The following NUP37 variants were observed in gnomAD, a reference collection of about 807,000 sequenced individuals.
NUP37 encodes the protein nucleoporin 37, also known as nucleoporin Nup37.
NUP37 carries 33 observed loss-of-function variants against 45.4 expected under a neutral mutation model. The observed-to-expected ratio is 0.73, with a 90% confidence interval of 0.55 to 0.97. NUP37 has a LOEUF of 0.97. NUP37 is among the 50% of genes least tolerant of loss of function. The pLI is 0.00. For synonymous variants in NUP37, 127 were observed against 130.7 expected (o/e 0.97, Z 0.19); for missense variants, 365 against 389.7 (o/e 0.94, Z 0.53).
rs1225181622 is a variant in NUP37 at position 102,073,488 on chromosome 12, T to C, written c.*866A>G. 6.6e-6 allele frequency: 1 copy of C among 152,208 alleles called. No homozygotes were observed. The highest frequency in any genetic ancestry group is 2.4e-5 in the African/African-American group (1 of 41,452). The allele number at this position is 152,208 out of a possible 1,614,324, so 9.4% of individuals were successfully genotyped here. On this transcript the variant is annotated 3_prime_UTR_variant, in exon 10 of 10. Coordinates refer to ENST00000552283, the MANE Select transcript of NUP37 (RefSeq NM_024057.4). ...TAGAAGTCATTTTTCAAGGTAACTT[T>C]TGATCCCATATATCAGATGTTCTAA...
At chr12:102,095,644 C>T (rs1879782268) in intron 5 of NUP37, among the ~76,000 whole-genome samples, 1 of 152,084 alleles carries the variant, frequency 6.6e-6, no homozygotes, top group African/African-American at 2.4e-5. Context: ...CATATTTCTT[C>T]ATCAAGATAT....
rs766912334 is a variant in NUP37 at position 102,118,314 on chromosome 12, T to C, written c.156+49A>G. On this transcript the variant is annotated intron_variant, in intron 2 of 9. Coordinates refer to ENST00000552283, the MANE Select transcript of NUP37 (RefSeq NM_024057.4). ...TAGATTTGGTTTGTGTAAGTTCTCT[T>C]AGTAGTGAAATATGTTCACTGTCAT... 8 of 1,532,872 alleles carry C rather than the reference T, an allele frequency of 5.2e-6. No homozygotes were observed. In the Admixed American group the frequency reaches 6.2e-5, roughly 12 times the overall value. The allele number at this position is 1,532,872 out of a possible 1,614,324, so 95.0% of individuals were successfully genotyped here.
At position 102,077,295 on chromosome 12, in the gene NUP37, TAATAGACA is replaced by T. The variant is rs1384505307; in HGVS notation, c.722+19_722+26del. The T allele has an allele frequency of 6.2e-7, 1 of 1,611,382 alleles. No individual in the cohort carries two copies. Among genetic ancestry groups the T allele is most frequent in the Admixed American group, 1.7e-5 (1 of 60,026 alleles). On this transcript the variant is annotated intron_variant, in intron 7 of 9. Transcript: ENST00000552283. ...ACAGTTACTGCCTTTTTTTGGTGTGTAATAGACAAACATATCAAGAAAGTACCTGGACC... is the reference window on the plus strand; with the variant it reads ...ACAGTTACTGCCTTTTTTTGGTGTGTAACATATCAAGAAAGTACCTGGACC...
In NUP37 at chr12:102,083,020, T is replaced by C. The variant is rs746087561; in HGVS notation, c.540+2746A>G. Among the ~76,000 whole-genome samples, 17 of 152,016 alleles carry C rather than the reference T, an allele frequency of 1.1e-4. 1 individual carries two copies. The highest frequency in any genetic ancestry group is 1.9e-4 in the Non-Finnish European group (13 of 67,992). ...ACATTCTGAAGTCATGGAAACATCA[T>C]AAAAGAAAGGAGATGGGGTAAGGTG... On this transcript the variant is annotated intron_variant, in intron 6 of 9. Coordinates refer to ENST00000552283, the MANE Select transcript of NUP37 (RefSeq NM_024057.4).
chr12:102,080,565 T>C (rs915749990), intron 6 of NUP37, among the ~76,000 whole-genome samples: 4 of 152,234 alleles, frequency 2.6e-5, no homozygotes, highest in Non-Finnish European at 2.9e-5. Context: ...GAGCTTTACA[T>C]GTCTGCTTTA....
rs1366156369 is a variant in NUP37, at chr12:102,088,252, C to A, written c.450-2396G>T. 2.0e-5 allele frequency among the ~76,000 whole-genome samples: 3 copies of A among 152,084 alleles called. No individual in the cohort carries two copies. The East Asian group carries it at 5.8e-4, about 29-fold the overall frequency. On this transcript the variant is annotated intron_variant, in intron 5 of 9. Coordinates refer to ENST00000552283, the MANE Select transcript of NUP37 (RefSeq NM_024057.4). ...TCCTTAATTAAGCCCTTCTCAAATC[C>A]TTTTATGGAGCTCAGCTCATTTTTC...
rs1466053555 is a variant in NUP37 at position 102,112,329 on chromosome 12, T to C, written c.157-97A>G. ...TGAATTTATCAGGAGGTTATGCTTA[T>C]GCTTTTGAAAAGTTCAAAAGCAAAT... On this transcript the variant is annotated intron_variant, in intron 2 of 9. Coordinates refer to ENST00000552283, the MANE Select transcript of NUP37 (RefSeq NM_024057.4). The C allele has an allele frequency of 3.8e-6, 4 of 1,039,218 alleles. No individual in the cohort carries two copies. The African/African-American group carries it at 4.9e-5, about 13-fold the overall frequency. 64.4% of individuals were successfully genotyped at this position (1,039,218 alleles called of 1,614,324 possible). A position where few individuals can be genotyped will look rare whatever the true frequency, so the allele number is the denominator to read the frequency against.
chr12:102,090,435 A>G (rs1879617663), intron 5 of NUP37, among the ~76,000 whole-genome samples: 1 of 152,196 alleles, frequency 6.6e-6, no homozygotes, highest in South Asian at 2.1e-4. Flanking sequence ...CATGTGTATG[A>G]AGAGGGAATA....
At chr12:102,090,085 T>A (rs1879603955) in intron 5 of NUP37, among the ~76,000 whole-genome samples, 1 of 152,200 alleles carries the variant, frequency 6.6e-6, no homozygotes, top group African/African-American at 2.4e-5. Flanking sequence ...CTGCACCTCA[T>A]ATTTCCTTTT....
chr12:102,113,145 C>T (rs908409300), intron 2 of NUP37, among the ~76,000 whole-genome samples: 7 of 152,174 alleles, frequency 4.6e-5, no homozygotes, highest in Non-Finnish European at 7.3e-5. Flanking sequence ...GACAAGCAAA[C>T]GACTACCAAG....
intron 9 of NUP37, 109 bp from the exon 10 acceptor site, chr12:102,074,576 A>C: frequency 1.5e-6 from 1 of 674,444 alleles, no homozygotes; most frequent in Non-Finnish European, 2.5e-6. Context: ...TTGTAGCATA[A>C]ACAAAATTTA....
intron 5 of NUP37, among the ~76,000 whole-genome samples, chr12:102,087,399 A>G (rs1879502341): frequency 6.6e-6 from 1 of 152,250 alleles, no homozygotes; most frequent in African/African-American, 2.4e-5. Context: ...AAATGAACAC[A>G]GATGTTTTTC....
chr12:102,107,510 G>A (rs1396986431), intron 3 of NUP37, among the ~76,000 whole-genome samples: 4 of 152,172 alleles, frequency 2.6e-5, no homozygotes, highest in Non-Finnish European at 5.9e-5. Context: ...GCTGTTGGGG[G>A]AAAATGTTTC....
At chr12:102,089,646 C>T (rs928623462) in intron 5 of NUP37, among the ~76,000 whole-genome samples, 6 of 145,578 alleles carry the variant, frequency 4.1e-5, no homozygotes, top group Admixed American at 6.8e-5. Context: ...AGACGATGAG[C>T]GGCTGGGCAG....
chr12:102,090,971 A>G (rs889132572), intron 5 of NUP37, among the ~76,000 whole-genome samples: 1 of 152,226 alleles, frequency 6.6e-6, no homozygotes. Context: ...TTCTACTATA[A>G]AAGAAAAAAA....
intron 1 of NUP37, among the ~76,000 whole-genome samples, 182 bp downstream of exon 1, chr12:102,119,868 A>G (rs2136788423): frequency 6.6e-6 from 1 of 152,230 alleles, no homozygotes; most frequent in South Asian, 2.1e-4. Context: ...AAGGGAGGGA[A>G]CAAGATAAGT....
rs76085361 is a variant in NUP37, at chr12:102,110,845, A to C, written c.281+1263T>G. 0.029 allele frequency among the ~76,000 whole-genome samples: 4,445 copies of C among 152,320 alleles called. 370 individuals are homozygous for C. In the East Asian group the frequency reaches 0.29, roughly 10 times the overall value. ...GGGCAATAGAGCCAGACCTTGTCTC[A>C]AAATGAATGAATGAGTGTTGGAGAG... On this transcript the variant is annotated intron_variant, in intron 3 of 9. Coordinates refer to ENST00000552283, the MANE Select transcript of NUP37 (RefSeq NM_024057.4).
intron 5 of NUP37, among the ~76,000 whole-genome samples, chr12:102,088,572 T>A (rs1313825841): frequency 6.6e-6 from 1 of 152,158 alleles, no homozygotes; most frequent in Non-Finnish European, 1.5e-5. Context: ...TTTTTGAACA[T>A]CATAAAAATG....
intron 3 of NUP37, among the ~76,000 whole-genome samples, chr12:102,110,289 T>C (rs1254114144): frequency 6.6e-6 from 1 of 151,864 alleles, no homozygotes; most frequent in African/African-American, 2.4e-5. Context: ...TGCTCGAGCC[T>C]GGGTGCTCGA....
Sources: allele counts gnomAD v4.1 joint callset (sites outside exome capture counted in the v4.1 genomes callset), GRCh38; gene constraint gnomAD v4.1.1; transcripts MANE v1.5; gene names NCBI Gene and HGNC (gene_info 2026-07-23, HGNC 2026-07-21).